ASB4: variants seen among roughly 807,000 people sequenced by gnomAD.
ASB4 encodes the protein ankyrin repeat and SOCS box protein 4.
ASB4 carries 35 observed loss-of-function variants against 38.6 expected under a neutral mutation model. The ratio of observed to expected loss-of-function variants is 0.91; its 90% confidence interval spans 0.69 to 1.20. The LOEUF is 1.20. Among genes scored for constraint, ASB4 ranks in the 50% most tolerant of loss-of-function variants. ASB4 has a pLI of 0.00. For missense variants in ASB4, 557 were observed against 527.2 expected, an observed-to-expected ratio of 1.06 and a Z score of -0.55; for synonymous variants, 195 against 201.3, an observed-to-expected ratio of 0.97 and a Z score of 0.26.
chr7:95,478,743 T>G (rs1221951105), intron 1 of ASB4: 1 of 151,498 alleles, frequency 6.6e-6, no homozygotes, highest in Non-Finnish European at 1.5e-5. Context: ...ACAAATAGAG[T>G]TCCAAGCGAA....
chr7:95,500,568 C>CAAAAAAA (rs771099175), intron 2 of ASB4, among the ~76,000 whole-genome samples: 3 of 41,014 alleles, frequency 7.3e-5, no homozygotes, highest in African/African-American at 1.9e-4. Flanking sequence ...AGATCTGTCT[C>CAAAAAAA]AAAAAAAAAA....
intron 2 of ASB4, among the ~76,000 whole-genome samples, chr7:95,508,918 T>C (rs1379855073): frequency 1.3e-5 from 2 of 152,058 alleles, no homozygotes; most frequent in African/African-American, 4.8e-5. Context: ...GGCAGAGAAT[T>C]GGATATGTGA....
chr7:95,530,484 G>A (rs910133073), intron 3 of ASB4, among the ~76,000 whole-genome samples: 16 of 152,076 alleles, frequency 1.1e-4, no homozygotes, highest in South Asian at 2.1e-4. Context: ...AAATAAGGAT[G>A]TGGAGGAACA....
In ASB4 at chr7:95,486,056, G is replaced by C. The variant is rs1367500389; in HGVS notation, c.85G>C (p.Asp29His). 1 of 1,614,134 alleles carries C rather than the reference G, an allele frequency of 6.2e-7. No individual in the cohort carries two copies. Among genetic ancestry groups the C allele is most frequent in the Admixed American group, 1.7e-5 (1 of 60,018 alleles). The change falls in exon 1 of 5, where the codon GAC (aspartate) becomes CAC (histidine). Residue 29 changes from aspartate to histidine, a missense_variant. Physicochemically the swap from Asp to His is moderately conservative, Grantham distance 81 (BLOSUM62 -1). Coordinates refer to ENST00000325885, the MANE Select transcript of ASB4 (RefSeq NM_016116.3). ...RNFLEALKSN[D>H]FGKLKAILIQ... ...TTTCCTTGAGGCGCTAAAGTCCAAT[G>C]ACTTCGGAAAATTGAAGGCTATTTT...
chr7:95,536,452 C>T lies in ASB4; in HGVS notation c.994C>T (p.His332Tyr), dbSNP rs1376658550. 3 of 1,611,828 alleles carry T rather than the reference C, an allele frequency of 1.9e-6. No homozygotes were observed. The highest frequency in any genetic ancestry group is 1.7e-5 in the Admixed American group (1 of 59,950). ...TCCTCTGCAGGTGATACAGGCCTGC[C>T]ATTCTTGTCCTAAAGCAATTGAAGT... ...PQFHKVIQAC[H>Y]SCPKAIEVVV... The change falls in exon 4 of 5, where the codon CAT becomes TAT. Residue 332 changes from histidine to tyrosine, a missense_variant. By Grantham distance (83) the His-to-Tyr change is moderately conservative. Coordinates refer to ENST00000325885, the MANE Select transcript of ASB4 (RefSeq NM_016116.3).
intron 2 of ASB4, among the ~76,000 whole-genome samples, chr7:95,519,607 C>T (rs778062407): frequency 1.2e-4 from 19 of 152,302 alleles, no homozygotes; most frequent in Admixed American, 2.0e-4. Context: ...AAATAAACAA[C>T]TAATGAGGAT....
chr7:95,500,170 T>C (rs145070794), intron 2 of ASB4, among the ~76,000 whole-genome samples: 28 of 152,050 alleles, frequency 1.8e-4, no homozygotes, highest in Non-Finnish European at 3.2e-4. Context: ...GCAGAAAGCA[T>C]AGACATTTTC....
rs983564722 is a variant in ASB4, at chr7:95,539,357, G to T, written c.*1598G>T. 2 of 152,194 alleles carry T rather than the reference G, an allele frequency of 1.3e-5. No homozygotes were observed. Among genetic ancestry groups the T allele is most frequent in the Non-Finnish European group, 2.9e-5 (2 of 68,030 alleles). The allele number at this position is 152,194 out of a possible 1,614,324, so 9.4% of individuals were successfully genotyped here. On this transcript the variant is annotated 3_prime_UTR_variant, in exon 5 of 5. Transcript: ENST00000325885. ...CTGGGATTGTCTTACTCCCAGGGCT[G>T]TGTAAGAAAAGTCATAGGTGGATAC... is the stretch of plus-strand genomic sequence containing the variant.
chr7:95,534,206 G>A (rs6946568), intron 3 of ASB4, among the ~76,000 whole-genome samples: 37,559 of 151,940 alleles, frequency 0.25, 4,854 homozygotes, highest in Middle Eastern at 0.34. Flanking sequence ...TTAGTCAGGA[G>A]TTGTGGCATG....
upstream of ASB4, among the ~76,000 whole-genome samples, chr7:95,483,263 A>G (rs968692425): frequency 3.3e-5 from 5 of 152,184 alleles, no homozygotes; most frequent in Non-Finnish European, 7.3e-5. Context: ...GCTGACTGCT[A>G]TTCACTTGAT....
At chr7:95,535,065 CAT>C (rs1790871912) in intron 3 of ASB4, among the ~76,000 whole-genome samples, 2 of 152,110 alleles carry the variant, frequency 1.3e-5, no homozygotes, top group Admixed American at 6.6e-5. Flanking sequence ...CACACACACA[CAT>C]GCACATGCAC....
At chr7:95,502,479 C>G (rs1790355413) in intron 2 of ASB4, among the ~76,000 whole-genome samples, 1 of 151,864 alleles carries the variant, frequency 6.6e-6, no homozygotes, top group Non-Finnish European at 1.5e-5. Flanking sequence ...GGGACCAATT[C>G]TAGGCAGGAG....
chr7:95,508,476 A>G (rs980422120), intron 2 of ASB4, among the ~76,000 whole-genome samples: 3 of 152,254 alleles, frequency 2.0e-5, no homozygotes, highest in African/African-American at 7.2e-5. Flanking sequence ...AATAATTATT[A>G]TAGGGAATTA....
chr7:95,490,195 T>A (rs1790151809), intron 1 of ASB4, among the ~76,000 whole-genome samples: 1 of 152,248 alleles, frequency 6.6e-6, no homozygotes, highest in South Asian at 2.1e-4. Context: ...CTGTTTCCTT[T>A]ACTAAGTAGC....
chr7:95,548,781 T>C, the ASB4 span, among the ~76,000 whole-genome samples: 1 of 152,260 alleles, frequency 6.6e-6, no homozygotes, highest in African/African-American at 2.4e-5. Flanking sequence ...TGTTGCTTCA[T>C]TCATTTTTTA....
Position 95,537,673 on chromosome 7 carries a change from A to C in ASB4, c.1195A>C (p.Arg399=). Residue 399 remains arginine, a synonymous_variant, in exon 5 of 5, where the codon AGA becomes CGA. Coordinates refer to ENST00000325885, the MANE Select transcript of ASB4 (RefSeq NM_016116.3). Reference sequence around the variant, plus strand: ...TGCCATTAGAAGAACATTACACAACAGATGCCATAGAGCAATTCCTTTGCT... The same window carrying C: ...TGCCATTAGAAGAACATTACACAACCGATGCCATAGAGCAATTCCTTTGCT... ...RCAIRRTLHN[R]CHRAIPLLSL... The C allele has an allele frequency of 6.2e-7, 1 of 1,613,954 alleles. No homozygotes were observed. The highest frequency in any genetic ancestry group is 1.1e-5 in the South Asian group (1 of 91,060).
chr7:95,515,443 G>A (rs1306751698), intron 2 of ASB4, among the ~76,000 whole-genome samples: 1 of 127,002 alleles, frequency 7.9e-6, no homozygotes, highest in Non-Finnish European at 1.6e-5. Context: ...TTAAGACAGA[G>A]TCTCATTCTG....
chr7:95,490,086 G>A (rs1378506384), intron 1 of ASB4, among the ~76,000 whole-genome samples: 6 of 152,112 alleles, frequency 3.9e-5, no homozygotes, highest in Non-Finnish European at 5.9e-5. Flanking sequence ...TAAGTACTTC[G>A]TTTATGGCCC....
At chr7:95,476,722 A>T (rs1472909009), upstream of ASB4, among the ~76,000 whole-genome samples, 1 of 152,204 alleles carries the variant, frequency 6.6e-6, no homozygotes, top group Non-Finnish European at 1.5e-5. Context: ...AAAAATTGTG[A>T]GCATGAGAAG....
Sources: allele counts gnomAD v4.1 joint callset (sites outside exome capture counted in the v4.1 genomes callset), GRCh38; gene constraint gnomAD v4.1.1; transcripts MANE v1.5; gene names NCBI Gene and HGNC (gene_info 2026-07-23, HGNC 2026-07-21).